Variants in CSMD1 observed in about 807,000 individuals in gnomAD.
CSMD1 encodes the protein CUB and Sushi multiple domains 1, also known as CUB and sushi domain-containing protein 1.
Under a neutral mutation model 417.5 loss-of-function variants are expected in CSMD1, and 213 were observed. That is an observed-to-expected ratio of 0.51 (90% CI 0.46 to 0.57). CSMD1 has a LOEUF of 0.57. Among genes scored for constraint, CSMD1 ranks in the 20% least tolerant of loss-of-function variants. The probability of loss-of-function intolerance (pLI) is 0.00; values close to 1 mark genes in which losing one functional copy is unlikely to be tolerated. For synonymous variants in CSMD1, 2,862 were observed against 1,736.8 expected (o/e 1.65, Z -16.11); for missense variants, 6,923 against 4,529.7 (o/e 1.53, Z -15.17).
intron 3 of CSMD1, among the ~76,000 whole-genome samples, chr8:4,322,997 T>C (rs1198873870): frequency 3.9e-5 from 6 of 152,022 alleles, no homozygotes; most frequent in African/African-American, 1.4e-4. Flanking sequence ...AAAACTACAC[T>C]AAAATATAAA....
chr8:4,480,015 GCA>G (rs1371222428), intron 2 of CSMD1, among the ~76,000 whole-genome samples: 2 of 151,346 alleles, frequency 1.3e-5, no homozygotes, highest in South Asian at 2.1e-4. Flanking sequence ...ACTGGATAAA[GCA>G]AACATACTTA....
intron 7 of CSMD1, among the ~76,000 whole-genome samples, chr8:3,667,281 T>G (rs964421984): frequency 7.9e-5 from 12 of 152,150 alleles, no homozygotes; most frequent in African/African-American, 2.9e-4. Context: ...TGTCAGATTA[T>G]AAGGGTTATG....
At chr8:3,510,056 C>A (rs779293599) in intron 10 of CSMD1, among the ~76,000 whole-genome samples, 3 of 152,086 alleles carry the variant, frequency 2.0e-5, no homozygotes, top group East Asian at 3.9e-4. Context: ...AGTGAAACAC[C>A]GGTAAGGATA....
At chr8:4,028,440 C>G (rs1797176174) in intron 4 of CSMD1, among the ~76,000 whole-genome samples, 1 of 151,832 alleles carries the variant, frequency 6.6e-6, no homozygotes, top group African/African-American at 2.4e-5. Context: ...TCATCGCCGT[C>G]ATATGCCATT....
intron 7 of CSMD1, among the ~76,000 whole-genome samples, chr8:3,674,732 C>A (rs936086598): frequency 6.6e-6 from 1 of 152,072 alleles, no homozygotes; most frequent in Non-Finnish European, 1.5e-5. Flanking sequence ...ATTCCAAGTC[C>A]CTGCCCTTCA....
chr8:4,205,572 C>A (rs1198653191), intron 3 of CSMD1, among the ~76,000 whole-genome samples: 1 of 152,184 alleles, frequency 6.6e-6, no homozygotes, highest in Non-Finnish European at 1.5e-5. Context: ...TGAAGTGACA[C>A]AGCATATAAA....
In CSMD1 at chr8:3,743,984, C is replaced by T. The variant is rs189844128; in HGVS notation, c.931+9946G>A. Among the ~76,000 whole-genome samples the T allele has an allele frequency of 1.5e-3, 228 of 152,290 alleles. 2 individuals carry two copies. The highest frequency in any genetic ancestry group is 5.0e-3 in the African/African-American group (209 of 41,548). On this transcript the variant is annotated intron_variant, in intron 6 of 69. Transcript: ENST00000635120. ...AGGCATGAATGATTATCTTCCCCTA[C>T]CCCCGTTACATGAAAATTGTGTATT...
chr8:3,953,527 G>A (rs959807105), intron 5 of CSMD1, among the ~76,000 whole-genome samples: 1 of 152,098 alleles, frequency 6.6e-6, no homozygotes, highest in Non-Finnish European at 1.5e-5. Flanking sequence ...TAATGACATT[G>A]CCCTGAGTGG....
chr8:3,052,807 A>G (rs1811954173), intron 49 of CSMD1, among the ~76,000 whole-genome samples, 160 bp from the exon 50 acceptor site: 1 of 124,168 alleles, frequency 8.1e-6, no homozygotes, highest in African/African-American at 2.9e-5. Flanking sequence ...TGGAGACAAG[A>G]GTTTTGTGCT....
At chr8:2,965,557 C>G (rs1174785479) in intron 59 of CSMD1, among the ~76,000 whole-genome samples, 1 of 152,170 alleles carries the variant, frequency 6.6e-6, no homozygotes, top group Non-Finnish European at 1.5e-5. Flanking sequence ...GTTTGTGATC[C>G]TAAGCCTTTT....
chr8:4,910,106 T>G (rs934332622), intron 1 of CSMD1, among the ~76,000 whole-genome samples: 6 of 152,358 alleles, frequency 3.9e-5, no homozygotes, highest in African/African-American at 4.8e-5. Context: ...GAATCTTAAT[T>G]ATTGTCTAAA....
chr8:3,499,595 C>T (rs758043982), intron 10 of CSMD1, among the ~76,000 whole-genome samples: 1 of 152,020 alleles, frequency 6.6e-6, no homozygotes, highest in East Asian at 1.9e-4. Context: ...TGGTAGTGTG[C>T]CTCAAGAATT....
intron 2 of CSMD1, among the ~76,000 whole-genome samples, chr8:4,612,132 T>G (rs1417281976): frequency 6.6e-6 from 1 of 152,098 alleles, no homozygotes; most frequent in African/African-American, 2.4e-5. Flanking sequence ...CATCTCACAC[T>G]AGGAGCAGAG....
At chr8:3,300,398 A>G in intron 25 of CSMD1, among the ~76,000 whole-genome samples, 1 of 152,258 alleles carries the variant, frequency 6.6e-6, no homozygotes, top group South Asian at 2.1e-4. Flanking sequence ...TTTAAAATTA[A>G]GAAAAATAAT....
At chr8:3,073,626 A>G (rs1172298619) in intron 49 of CSMD1, among the ~76,000 whole-genome samples, 1 of 152,242 alleles carries the variant, frequency 6.6e-6, no homozygotes, top group Non-Finnish European at 1.5e-5. Flanking sequence ...GTTCATAAAG[A>G]TTAAGATGTT....
chr8:3,692,212 C>A (rs1345115355), intron 7 of CSMD1, among the ~76,000 whole-genome samples: 1 of 152,196 alleles, frequency 6.6e-6, no homozygotes, highest in East Asian at 1.9e-4. Context: ...CCATACACCT[C>A]AGTGTCCTGG....
At chr8:4,453,921 A>C (rs1799314073) in intron 2 of CSMD1, among the ~76,000 whole-genome samples, 1 of 137,836 alleles carries the variant, frequency 7.3e-6, no homozygotes. Flanking sequence ...TCCCAGGTTC[A>C]CAGCATTCTC....
intron 62 of CSMD1, among the ~76,000 whole-genome samples, chr8:2,959,141 T>C (rs909477931): frequency 6.6e-6 from 1 of 152,240 alleles, no homozygotes; most frequent in Non-Finnish European, 1.5e-5. Flanking sequence ...CCTCTCTCTA[T>C]TGCCCAGAGT....
Position 4,918,038 on chromosome 8 carries a change from G to C in CSMD1, c.85+76294C>G, listed in dbSNP as rs140186179. The stretch of plus-strand genomic sequence containing the variant: ...AAAAATCACTTGTAAAATAATACTA[G>C]ACTTTGTGATGTTTAAAGTCTTATT... On this transcript the variant is annotated intron_variant, in intron 1 of 69. Coordinates refer to ENST00000635120, the MANE Select transcript of CSMD1 (RefSeq NM_033225.6). 1.8e-4 allele frequency among the ~76,000 whole-genome samples: 28 copies of C among 152,230 alleles called. No homozygotes were observed. In the East Asian group the frequency reaches 4.0e-3, roughly 22 times the overall value.
Sources: allele counts gnomAD v4.1 joint callset (sites outside exome capture counted in the v4.1 genomes callset), GRCh38; gene constraint gnomAD v4.1.1; transcripts MANE v1.5; gene names NCBI Gene and HGNC (gene_info 2026-07-23, HGNC 2026-07-21).